Variants in SDK1 observed in about 807,000 individuals in gnomAD.
The protein encoded by SDK1 is sidekick cell adhesion molecule 1.
In SDK1, 157 loss-of-function variants were observed where a neutral mutation model predicts 245.5. The observed-to-expected ratio is 0.64, with a 90% CI of 0.56 to 0.73. The LOEUF (loss-of-function observed/expected upper bound fraction) is 0.73. Among genes scored for constraint, SDK1 ranks in the 30% least tolerant of loss-of-function variants. SDK1 has a pLI of 0.00. For missense variants in SDK1, 3,583 were observed against 3,002.3 expected, an observed-to-expected ratio of 1.19 and a Z score of -4.52; for synonymous variants, 1,647 against 1,278.5, an observed-to-expected ratio of 1.29 and a Z score of -6.15.
intron 5 of SDK1, among the ~76,000 whole-genome samples, chr7:3,851,066 C>T (rs1422138865): frequency 1.3e-5 from 2 of 152,000 alleles, no homozygotes; most frequent in Non-Finnish European, 2.9e-5. Flanking sequence ...CTTGACCAAA[C>T]CTGATGGTGC....
intron 1 of SDK1, among the ~76,000 whole-genome samples, chr7:3,503,897 A>G (rs1782301119): frequency 6.6e-6 from 1 of 152,026 alleles, no homozygotes; most frequent in Non-Finnish European, 1.5e-5. Flanking sequence ...CATGCCCGTA[A>G]TCCTAGCACT....
intron 4 of SDK1, among the ~76,000 whole-genome samples, chr7:3,814,688 G>C (rs1412613678): frequency 1.3e-5 from 2 of 151,776 alleles, no homozygotes; most frequent in South Asian, 4.2e-4. Context: ...CATTGAATCT[G>C]TAAATTACCT....
intron 32 of SDK1, among the ~76,000 whole-genome samples, chr7:4,172,898 A>T (rs1781939423): frequency 6.6e-6 from 1 of 151,450 alleles, no homozygotes; most frequent in South Asian, 2.1e-4. Context: ...TCAAATTAGG[A>T]CCCTCCCCTA....
At chr7:3,904,015 A>T (rs1349074969) in intron 5 of SDK1, among the ~76,000 whole-genome samples, 1 of 152,076 alleles carries the variant, frequency 6.6e-6, no homozygotes, top group East Asian at 1.9e-4. Flanking sequence ...CCACATGCAG[A>T]CGTCCAATCT....
intron 13 of SDK1, among the ~76,000 whole-genome samples, chr7:3,978,535 A>G (rs546218387): frequency 1.3e-5 from 2 of 152,314 alleles, no homozygotes; most frequent in South Asian, 2.1e-4. Context: ...GTGAATTGTT[A>G]GTGTCACGAA....
chr7:3,580,146 C>A, intron 1 of SDK1, among the ~76,000 whole-genome samples: 1 of 152,090 alleles, frequency 6.6e-6, no homozygotes, highest in East Asian at 1.9e-4. Flanking sequence ...TCAGAGATGA[C>A]ACAAACAAAT....
intron 4 of SDK1, among the ~76,000 whole-genome samples, chr7:3,724,658 G>T (rs1488639803): frequency 6.6e-6 from 1 of 152,226 alleles, no homozygotes; most frequent in African/African-American, 2.4e-5. Flanking sequence ...TGGATAGGCT[G>T]CCTGGTCCTT....
chr7:3,565,475 A>T (rs950795736), intron 1 of SDK1, among the ~76,000 whole-genome samples: 1 of 152,234 alleles, frequency 6.6e-6, no homozygotes, highest in Admixed American at 6.5e-5. Flanking sequence ...CAAGAGGCAT[A>T]TGGATCTAAA....
intron 1 of SDK1, among the ~76,000 whole-genome samples, chr7:3,606,208 G>A (rs1424417973): frequency 6.6e-6 from 1 of 152,050 alleles, no homozygotes. Context: ...AGAAATTTTG[G>A]TATCATCATT....
intron 41 of SDK1, among the ~76,000 whole-genome samples, chr7:4,234,131 A>G (rs2158722): frequency 0.19 from 28,676 of 151,978 alleles, 3,025 homozygotes; most frequent in Non-Finnish European, 0.22. Context: ...TCTTCCTGGG[A>G]CCTCCCAGAA....
chr7:3,377,303 C>G (rs1781378422), intron 1 of SDK1, among the ~76,000 whole-genome samples: 1 of 152,130 alleles, frequency 6.6e-6, no homozygotes, highest in Admixed American at 6.5e-5. Context: ...AGCTAAATAT[C>G]CATGTTTAAC....
intron 28 of SDK1, among the ~76,000 whole-genome samples, chr7:4,134,175 G>C (rs1778888799): frequency 6.6e-6 from 1 of 152,162 alleles, no homozygotes; most frequent in Non-Finnish European, 1.5e-5. Flanking sequence ...GCACAAGGAG[G>C]CTGTGACCTA....
Position 3,307,929 on chromosome 7 carries a change from C to T in SDK1, c.298+6045C>T, listed in dbSNP as rs190080477. Among the ~76,000 whole-genome samples, 189 of 152,220 alleles carry T rather than the reference C, an allele frequency of 1.2e-3. 1 individual carries two copies. Among genetic ancestry groups the T allele is most frequent in the Middle Eastern group, 3.4e-3 (1 of 294 alleles). ...CTTCACTAGAGTCTGCATGTGTCTC[C>T]TGTCTGGGGATTCTGTAACTCCATA... On this transcript the variant is annotated intron_variant, in intron 1 of 44. Coordinates refer to ENST00000404826, the MANE Select transcript of SDK1 (RefSeq NM_152744.4).
intron 1 of SDK1, among the ~76,000 whole-genome samples, chr7:3,328,498 T>G (rs1779988906): frequency 6.6e-6 from 1 of 152,062 alleles, no homozygotes; most frequent in South Asian, 2.1e-4. Context: ...GGCAGTATGA[T>G]TTCTAAAATA....
At chr7:4,053,705 A>T (rs879484354) in intron 19 of SDK1, among the ~76,000 whole-genome samples, 2 of 152,080 alleles carry the variant, frequency 1.3e-5, no homozygotes, top group African/African-American at 2.4e-5. Context: ...GTCTATGTCA[A>T]ATGAGTGACA....
chr7:4,245,554 T>C, intron 43 of SDK1, 122 bp from the exon 44 acceptor site: 1 of 1,143,450 alleles, frequency 8.7e-7, no homozygotes, highest in African/African-American at 1.5e-5. Context: ...GCCAAAGTGA[T>C]GTCAAAGGCT....
chr7:3,449,168 G>A (rs1282149713), intron 1 of SDK1, among the ~76,000 whole-genome samples: 1 of 152,166 alleles, frequency 6.6e-6, no homozygotes, highest in African/African-American at 2.4e-5. Context: ...GGTTCTCCAA[G>A]TAAAGCTGTG....
At chr7:4,115,344 C>G (rs1338302485) in intron 25 of SDK1, among the ~76,000 whole-genome samples, 1 of 152,112 alleles carries the variant, frequency 6.6e-6, no homozygotes, top group East Asian at 1.9e-4. Context: ...TGACCTTTGT[C>G]CAGACATGGG....
intron 4 of SDK1, among the ~76,000 whole-genome samples, chr7:3,763,674 C>T (rs944965515): frequency 1.3e-5 from 2 of 152,124 alleles, no homozygotes; most frequent in Non-Finnish European, 1.5e-5. Flanking sequence ...TTATTCCTTT[C>T]ACATGAGATT....
Sources: allele counts gnomAD v4.1 joint callset (sites outside exome capture counted in the v4.1 genomes callset), GRCh38; gene constraint gnomAD v4.1.1; transcripts MANE v1.5; gene names NCBI Gene and HGNC (gene_info 2026-07-23, HGNC 2026-07-21).